The following FAM199X variants were observed in gnomAD, a reference collection of about 807,000 sequenced individuals.
The protein encoded by FAM199X is family with sequence similarity 199, X-linked.
Under a neutral mutation model 22.9 loss-of-function variants are expected in FAM199X, and 4 were observed. The observed-to-expected ratio is 0.17, with a 90% CI of 0.09 to 0.40. The LOEUF is 0.40. Among genes scored for constraint, FAM199X ranks in the 10% least tolerant of loss-of-function variants. FAM199X has a pLI of 1.00. For missense variants in FAM199X, 183 were observed against 306.8 expected, an observed-to-expected ratio of 0.60 and a Z score of 3.01; for synonymous variants, 101 against 112.3, an observed-to-expected ratio of 0.90 and a Z score of 0.64.
At chrX:104,160,719 A>T in the FAM199X span, among the ~76,000 whole-genome samples, 1 of 112,776 alleles carries the variant, frequency 8.9e-6, no homozygotes, top group East Asian at 2.8e-4. Context: ...TTCAATCATA[A>T]TATTGTAAAA....
Position 104,189,680 on chromosome X carries a change from C to A in FAM199X, c.1069C>A (p.Arg357=). Reference sequence around the variant, plus strand: ...GCAGCTGAAGGAGCAGAGGCAGGCCCGGAAGGAGAGGCTCAGTGGGCTCTT... The same window carrying A: ...GCAGCTGAAGGAGCAGAGGCAGGCCAGGAAGGAGAGGCTCAGTGGGCTCTT... The part of the protein sequence containing the change: ...KRQLKEQRQA[R]KERLSGLFLN... Residue 357 remains arginine, a synonymous_variant, in exon 6 of 6, where the codon CGG becomes AGG. Transcript: ENST00000493442. The A allele has an allele frequency of 1.7e-6, 2 of 1,211,480 alleles. No individual in the cohort carries two copies. Among genetic ancestry groups the A allele is most frequent in the Non-Finnish European group, 2.2e-6 (2 of 895,281 alleles).
rs190342141 is a variant in FAM199X, at chrX:104,191,633, A to G, written c.*1855A>G. The G allele has an allele frequency of 5.4e-5, 6 of 110,821 alleles. No individual in the cohort carries two copies. Among genetic ancestry groups the G allele is most frequent in the Non-Finnish European group, 7.5e-5 (4 of 52,995 alleles). The allele number at this position is 110,821 out of a possible 1,213,427, so 9.1% of individuals were successfully genotyped here. ...CATAGTAACTGTATCTAAATTCTCTACCTGCTCTTAGCAAAAGCAAAATCC... is the reference window on the plus strand; with the variant it reads ...CATAGTAACTGTATCTAAATTCTCTGCCTGCTCTTAGCAAAAGCAAAATCC... On this transcript the variant is annotated 3_prime_UTR_variant, in exon 6 of 6. Transcript: ENST00000493442.
rs1432630345 is a variant in FAM199X, at chrX:104,195,308, A to AC, written c.*5531dup. On this transcript the variant is annotated 3_prime_UTR_variant, in exon 6 of 6. Coordinates refer to ENST00000493442, the MANE Select transcript of FAM199X (RefSeq NM_207318.4). ...ATGCTCTATCCCAGAATATTTACCAACAGAGGAGAACTGCTCCCTTTTCTG... is the reference window on the plus strand; with the variant it reads ...ATGCTCTATCCCAGAATATTTACCAACCAGAGGAGAACTGCTCCCTTTTCTG... 1 of 111,551 alleles carries AC rather than the reference A, an allele frequency of 9.0e-6. No individual in the cohort carries two copies. Among genetic ancestry groups the AC allele is most frequent in the Non-Finnish European group, 1.9e-5 (1 of 53,058 alleles). 9.2% of individuals were successfully genotyped at this position (111,551 alleles called of 1,213,427 possible). A position where few individuals can be genotyped will look rare whatever the true frequency, so the allele number is the denominator to read the frequency against.
At chrX:104,164,886 AT>A (rs1484608904), upstream of FAM199X, among the ~76,000 whole-genome samples, 10 of 111,824 alleles carry the variant, frequency 8.9e-5, no homozygotes, top group African/African-American at 2.6e-4. Flanking sequence ...TCTCAAAAAA[AT>A]ATAAAATAAA....
the FAM199X span, among the ~76,000 whole-genome samples, chrX:104,157,439 C>CT: frequency 9.0e-6 from 1 of 111,390 alleles, no homozygotes; most frequent in Non-Finnish European, 1.9e-5. Flanking sequence ...AACCTGAGCT[C>CT]CCGCGTTCGA....
chrX:104,171,148 C>T (rs1921342138), intron 1 of FAM199X, among the ~76,000 whole-genome samples: 1 of 111,571 alleles, frequency 9.0e-6, no homozygotes, highest in Non-Finnish European at 1.9e-5. Context: ...GTACATGGTA[C>T]ACATGCTTTT....
At position 104,175,641 on chromosome X, in the gene FAM199X, T is replaced by C. The variant is rs782629411; in HGVS notation, c.216T>C (p.Cys72=). 11 of 1,210,036 alleles carry C rather than the reference T, an allele frequency of 9.1e-6. No individual in the cohort carries two copies. The East Asian group carries it at 3.3e-4, about 36-fold the overall frequency. Residue 72 remains cysteine, a synonymous_variant, in exon 2 of 6, where the codon TGT becomes TGC. Transcript: ENST00000493442. ...FHTNRWNLTS[C]GTSVASSEGS... The stretch of plus-strand genomic sequence containing the variant: ...TTTGAAGGTGGAACCTAACTTCTTG[T>C]GGAACAAGTGTTGCCAGCTCAGAAG...
intron 4 of FAM199X, 115 bp downstream of exon 4, chrX:104,186,736 C>T (rs1222276434): frequency 2.9e-5 from 19 of 648,326 alleles, no homozygotes; most frequent in Middle Eastern, 1.1e-3. Context: ...ATCACTGCTG[C>T]GAAAGGTAAT....
rs1556374125 is a variant in FAM199X, at chrX:104,166,959, G to C, written c.174G>C (p.Pro58=). 2 of 1,171,979 alleles carry C rather than the reference G, an allele frequency of 1.7e-6. No homozygotes were observed. Among genetic ancestry groups the C allele is most frequent in the Non-Finnish European group, 1.1e-6 (1 of 874,252 alleles). The change falls in exon 1 of 6, where the codon CCG becomes CCC. Residue 58 remains proline, a synonymous_variant. Coordinates refer to ENST00000493442, the MANE Select transcript of FAM199X (RefSeq NM_207318.4). ...TGTCCTCCTGCCATCGCACCGACCC[G>C]CTCCACCGCTTCCACACCAACAGGT... The part of the protein sequence containing the change: ...CQLSSCHRTD[P]LHRFHTNRWN...
intron 2 of FAM199X, among the ~76,000 whole-genome samples, chrX:104,178,640 A>G (rs1258785197): frequency 2.7e-5 from 3 of 111,609 alleles, no homozygotes; most frequent in African/African-American, 9.8e-5. Flanking sequence ...TGTTGAAAAT[A>G]TTATTCTTTC....
At chrX:104,166,030 G>C (rs1921166030), upstream of FAM199X, among the ~76,000 whole-genome samples, 1 of 112,167 alleles carries the variant, frequency 8.9e-6, no homozygotes, top group African/African-American at 3.2e-5. Flanking sequence ...TCAAGGGTGA[G>C]GAAGGGACTA....
At chrX:104,188,455 GAA>G in intron 5 of FAM199X, 149 bp downstream of exon 5, 1 of 663,208 alleles carries the variant, frequency 1.5e-6, no homozygotes, top group African/African-American at 2.2e-5. Context: ...CTCTGCTGTT[GAA>G]CAAAGCACTC....
Position 104,195,698 on chromosome X carries a change from T to C in FAM199X, c.*5920T>C, listed in dbSNP as rs1192746647. ...CCACTAGAGGGAGATCTGTGGTTGCTTTCTCCTTTGGAGAATAGCTGCTTT... is the reference window on the plus strand; with the variant it reads ...CCACTAGAGGGAGATCTGTGGTTGCCTTCTCCTTTGGAGAATAGCTGCTTT... On this transcript the variant is annotated 3_prime_UTR_variant, in exon 6 of 6. Coordinates refer to ENST00000493442, the MANE Select transcript of FAM199X (RefSeq NM_207318.4). 9.0e-6 allele frequency: 1 copy of C among 111,421 alleles called. No homozygotes were observed. The highest frequency in any genetic ancestry group is 1.9e-5 in the Non-Finnish European group (1 of 53,037). The allele number at this position is 111,421 out of a possible 1,213,427, so 9.2% of individuals were successfully genotyped here. A position where few individuals can be genotyped will look rare whatever the true frequency, so the allele number is the denominator to read the frequency against.
chrX:104,178,105 T>C (rs1556376903), intron 2 of FAM199X, among the ~76,000 whole-genome samples: 1 of 112,194 alleles, frequency 8.9e-6, no homozygotes, highest in Non-Finnish European at 1.9e-5. Flanking sequence ...AGTTACTTTT[T>C]GTATATGATA....
chrX:104,176,416 A>G (rs935573972), intron 2 of FAM199X, among the ~76,000 whole-genome samples: 3 of 112,411 alleles, frequency 2.7e-5, no homozygotes, highest in African/African-American at 9.7e-5. Context: ...GAAAATTTAG[A>G]TTGTGTTATT....
At chrX:104,168,794 C>A (rs1442867325) in intron 1 of FAM199X, among the ~76,000 whole-genome samples, 2 of 109,347 alleles carry the variant, frequency 1.8e-5, no homozygotes, top group Non-Finnish European at 3.8e-5. Context: ...GACTGTTTTT[C>A]AATGGGGCAG....
At chrX:104,174,839 T>G (rs1373740979) in intron 1 of FAM199X, among the ~76,000 whole-genome samples, 15 of 112,149 alleles carry the variant, frequency 1.3e-4, no homozygotes, top group Non-Finnish European at 2.8e-4. Flanking sequence ...TGCTGGATAA[T>G]GGAATTATTG....
intron 2 of FAM199X, among the ~76,000 whole-genome samples, chrX:104,182,141 A>G (rs982834865): frequency 5.5e-5 from 6 of 108,435 alleles, no homozygotes; most frequent in African/African-American, 1.3e-4. Context: ...GGTGCACGCC[A>G]CCACACCTGG....
intron 2 of FAM199X, among the ~76,000 whole-genome samples, chrX:104,178,332 A>G (rs1921547021): frequency 9.1e-6 from 1 of 110,491 alleles, no homozygotes; most frequent in African/African-American, 3.3e-5. Flanking sequence ...AAACCCGGCT[A>G]ATTTTTGTAT....
Sources: gnomAD v4.1 joint callset for allele counts (sites outside exome capture counted in the v4.1 genomes callset) on GRCh38, gnomAD v4.1.1 for gene constraint, MANE v1.5 for transcripts, NCBI Gene and HGNC (gene_info 2026-07-23, HGNC 2026-07-21) for gene names.